Variants in DYNC2H1 observed in about 807,000 individuals in gnomAD.
DYNC2H1 encodes dynein cytoplasmic 2 heavy chain 1, also known as cytoplasmic dynein 2 heavy chain 1.
Under a neutral mutation model 570.0 loss-of-function variants are expected in DYNC2H1, and 410 were observed. The ratio of observed to expected loss-of-function variants is 0.72; its 90% CI spans 0.66 to 0.78. The LOEUF (loss-of-function observed/expected upper bound fraction) is 0.78. DYNC2H1 is among the 30% of genes least tolerant of loss of function. The probability of loss-of-function intolerance (pLI) is 0.00; values close to 1 mark genes in which losing one functional copy is unlikely to be tolerated. For missense variants in DYNC2H1, 4,865 were observed against 5,046.4 expected (o/e 0.96, Z 1.09); for synonymous variants, 1,688 against 1,677.6 (o/e 1.01, Z -0.15).
intron 34 of DYNC2H1, among the ~76,000 whole-genome samples, chr11:103,172,337 G>A (rs548167852): frequency 2.0e-5 from 3 of 152,050 alleles, no homozygotes; most frequent in Non-Finnish European, 4.4e-5. Flanking sequence ...ATTATCCCTT[G>A]TGCTATAGCT....
chr11:103,224,993 G>A (rs1358072715), intron 59 of DYNC2H1, among the ~76,000 whole-genome samples: 5 of 152,128 alleles, frequency 3.3e-5, no homozygotes, highest in Non-Finnish European at 7.4e-5. Context: ...GCATTTCTCT[G>A]ATAATTAATG....
At position 103,132,736 on chromosome 11, in the gene DYNC2H1, C is replaced by T. The variant is rs532189317; in HGVS notation, c.1954-819C>T. ...GGAGCATTTGTACACTGATTCATTG[C>T]AGATGACTGGAATGGAAGTTTAGTG... On this transcript the variant is annotated intron_variant, in intron 13 of 88. Coordinates refer to ENST00000375735, the MANE Select transcript of DYNC2H1 (RefSeq NM_001377.3). Among the ~76,000 whole-genome samples, 18 of 151,994 alleles carry T rather than the reference C, an allele frequency of 1.2e-4. No homozygotes were observed. In the South Asian group the frequency reaches 2.5e-3, roughly 21 times the overall value.
chr11:103,311,398 G>C (rs1195561635), intron 78 of DYNC2H1, among the ~76,000 whole-genome samples: 1 of 152,018 alleles, frequency 6.6e-6, no homozygotes, highest in African/African-American at 2.4e-5. Flanking sequence ...AGCAATGTTA[G>C]GTAATACTTT....
chr11:103,285,453 C>T (rs1386837239), intron 73 of DYNC2H1, among the ~76,000 whole-genome samples: 2 of 133,668 alleles, frequency 1.5e-5, no homozygotes, highest in South Asian at 2.3e-4. Flanking sequence ...GACAGAGTCT[C>T]GCTCTGTTAT....
At chr11:103,198,648 G>T (rs72989783) in intron 48 of DYNC2H1, among the ~76,000 whole-genome samples, 7,541 of 152,186 alleles carry the variant, frequency 0.05, 252 homozygotes, top group Non-Finnish European at 0.071. Flanking sequence ...TTTTTTCATG[G>T]TCTGGTAAAC....
chr11:103,210,946 T>C (rs935014872), intron 53 of DYNC2H1, among the ~76,000 whole-genome samples: 3 of 152,074 alleles, frequency 2.0e-5, no homozygotes, highest in African/African-American at 7.2e-5. Context: ...CAGAATTTCA[T>C]TTTAGAAACA....
intron 53 of DYNC2H1, 48 bp from the exon 54 acceptor site, chr11:103,211,741 A>G (rs1299936081): frequency 1.6e-5 from 12 of 743,280 alleles, no homozygotes; most frequent in Non-Finnish European, 2.2e-5. Context: ...CTTATTTTTA[A>G]TGAATCATAC....
At position 103,436,021 on chromosome 11, in the gene DYNC2H1, C is replaced by G; in HGVS notation, c.12445C>G (p.Leu4149Val). Residue 4149 changes from leucine (L) to valine (V), a missense_variant, in exon 85 of 89, where the codon CTT (leucine) becomes GTT (valine). This residue lies in a region of DYNC2H1 where 2,401 missense variants were observed against 2,454.6 expected (regional missense o/e 0.98). Transcript: ENST00000375735. ...QYLRGLVARA[L>V]AIQNWVDKAE... ...CCTGAGAGGTCTTGTTGCCCGTGCCCTTGCAATACAGGTATGCCTAAATTA... is the reference window on the plus strand; with the variant it reads ...CCTGAGAGGTCTTGTTGCCCGTGCCGTTGCAATACAGGTATGCCTAAATTA... 6.2e-7 allele frequency: 1 copy of G among 1,612,344 alleles called. No individual in the cohort carries two copies. Among genetic ancestry groups the G allele is most frequent in the Non-Finnish European group, 8.5e-7 (1 of 1,178,938 alleles).
At chr11:103,459,402 CAT>C (rs1944924482) in intron 87 of DYNC2H1, among the ~76,000 whole-genome samples, 1 of 149,072 alleles carries the variant, frequency 6.7e-6, no homozygotes, top group African/African-American at 2.5e-5. Context: ...TATTTTCTAA[CAT>C]ACTGTCATTT....
chr11:103,152,528 G>A (rs1435238332), intron 21 of DYNC2H1, among the ~76,000 whole-genome samples: 1 of 152,060 alleles, frequency 6.6e-6, no homozygotes, highest in African/African-American at 2.4e-5. Context: ...TTGTAGGCCT[G>A]TGAATGAATC....
chr11:103,220,163 G>C, intron 56 of DYNC2H1, 135 bp downstream of exon 56: 1 of 453,582 alleles, frequency 2.2e-6, no homozygotes, highest in Non-Finnish European at 3.8e-6. Context: ...AATGTTACTT[G>C]TAAAAGAGAA....
At chr11:103,167,520 G>A (rs961807101) in intron 31 of DYNC2H1, among the ~76,000 whole-genome samples, 2 of 152,040 alleles carry the variant, frequency 1.3e-5, no homozygotes, top group African/African-American at 2.4e-5. Context: ...CTCCTGCCTC[G>A]GCCTCCCAAA....
At position 103,439,262 on chromosome 11, in the gene DYNC2H1, C is replaced by G. The variant is rs543714584; in HGVS notation, c.12456+3230C>G. Among the ~76,000 whole-genome samples, 1 of 151,752 alleles carries G rather than the reference C, an allele frequency of 6.6e-6. No individual in the cohort carries two copies. The highest frequency in any genetic ancestry group is 2.4e-5 in the African/African-American group (1 of 41,304). On this transcript the variant is annotated intron_variant, in intron 85 of 88. Coordinates refer to ENST00000375735, the MANE Select transcript of DYNC2H1 (RefSeq NM_001377.3). This position sits in a 1 kb window ranked among gnomAD's most constrained non-coding sequence, Gnocchi z 4.1. ...AGGAATAAACCAGATGAGGATGAGA[C>G]GAAAGAATGTATCAGACAGAAGGCA...
rs146066370 is a variant in DYNC2H1 at position 103,114,354 on chromosome 11, A to G, written c.502+116A>G. 9.4e-5 allele frequency: 113 copies of G among 1,206,404 alleles called. No individual in the cohort carries two copies. In the East Asian group the frequency reaches 2.6e-3, roughly 28 times the overall value. 74.7% of individuals were successfully genotyped at this position (1,206,404 alleles called of 1,614,324 possible). ...AAATACTTTTGGAATTTCTCTGAGC[A>G]TAGGTTTTAAAAAATGAGTAGATTT... On this transcript the variant is annotated intron_variant, in intron 3 of 88. Transcript: ENST00000375735.
chr11:103,333,857 G>A (rs556881472), intron 82 of DYNC2H1, among the ~76,000 whole-genome samples: 9 of 152,172 alleles, frequency 5.9e-5, no homozygotes, highest in African/African-American at 1.9e-4. Flanking sequence ...TTCTCTTTTA[G>A]TGGAAATTAG....
At chr11:103,349,916 T>C (rs10895407) in intron 82 of DYNC2H1, among the ~76,000 whole-genome samples, 44,627 of 151,998 alleles carry the variant, frequency 0.29, 6,607 homozygotes, top group South Asian at 0.35. Flanking sequence ...TTTAGAGACA[T>C]GAGAAATACA....
chr11:103,307,762 G>T lies in DYNC2H1; in HGVS notation c.11424G>T (p.Trp3808Cys), dbSNP rs1395855513. The T allele has an allele frequency of 6.2e-7, 1 of 1,605,296 alleles. No homozygotes were observed. Among genetic ancestry groups the T allele is most frequent in the Non-Finnish European group, 8.5e-7 (1 of 1,175,352 alleles). Residue 3808 changes from tryptophan to cysteine, a missense_variant, in exon 78 of 89, where the codon TGG (tryptophan) becomes TGT (cysteine). Coordinates refer to ENST00000375735, the MANE Select transcript of DYNC2H1 (RefSeq NM_001377.3). ...AACCTAAAGATACCTTTCGTCTTTG[G>T]CTCACTGCAGAAGTTCATCCCAACT... is the stretch of plus-strand genomic sequence containing the variant. ...TLQPKDTFRL[W>C]LTAEVHPNFT... is the part of the protein sequence containing the mutation.
chr11:103,199,929 T>G lies in DYNC2H1; in HGVS notation c.8089-117T>G, dbSNP rs1362419456. 8 of 679,364 alleles carry G rather than the reference T, an allele frequency of 1.2e-5. No individual in the cohort carries two copies. The highest frequency in any genetic ancestry group is 1.9e-5 in the Non-Finnish European group (8 of 416,100). The allele number at this position is 679,364 out of a possible 1,614,324, so 42.1% of individuals were successfully genotyped here. A position where few individuals can be genotyped will look rare whatever the true frequency, so the allele number is the denominator to read the frequency against. ...TGATTTTTAATTATTAAAATGGAAA[T>G]AAATGAATAAATAAACACATGATAC... is the stretch of plus-strand genomic sequence containing the variant. On this transcript the variant is annotated intron_variant, in intron 49 of 88. Coordinates refer to ENST00000375735, the MANE Select transcript of DYNC2H1 (RefSeq NM_001377.3). The surrounding 1 kb of genome is among the most constrained non-coding windows in gnomAD (Gnocchi z 4.6).
rs952362499 is a variant in DYNC2H1 at position 103,194,230 on chromosome 11, C to G, written c.7708+1966C>G. Reference sequence around the variant, plus strand: ...CAACCTGTTTCTCTGGAGATACATGCCGATTGTTTTGTTTCGATAGCTCGT... The same window carrying G: ...CAACCTGTTTCTCTGGAGATACATGGCGATTGTTTTGTTTCGATAGCTCGT... On this transcript the variant is annotated intron_variant, in intron 47 of 88. Coordinates refer to ENST00000375735, the MANE Select transcript of DYNC2H1 (RefSeq NM_001377.3). 3.3e-5 allele frequency among the ~76,000 whole-genome samples: 5 copies of G among 152,260 alleles called. No homozygotes were observed. In the South Asian group the frequency reaches 1.0e-3, roughly 32 times the overall value.
Sources: gnomAD v4.1 joint callset for allele counts (sites outside exome capture counted in the v4.1 genomes callset) on GRCh38, gnomAD v4.1.1 for gene constraint, gnomAD v4.1.1 regional missense constraint, Gnocchi (gnomAD v3.1) non-coding constraint, MANE v1.5 for transcripts, NCBI Gene and HGNC (gene_info 2026-07-23, HGNC 2026-07-21) for gene names.